The following RGS5 variants were observed in gnomAD, a reference collection of about 807,000 sequenced individuals.
RGS5 encodes the protein regulator of G protein signaling 5.
In RGS5, 20 loss-of-function variants were observed where a neutral mutation model predicts 18.9. That is an observed-to-expected ratio of 1.06 (90% CI 0.74 to 1.54). The LOEUF (loss-of-function observed/expected upper bound fraction) is 1.54, where lower values mean the gene tolerates loss of function less well. Among genes scored for constraint, RGS5 ranks in the 40% most tolerant of loss-of-function variants. The probability of loss-of-function intolerance (pLI) is 0.00; values close to 1 mark genes in which losing one functional copy is unlikely to be tolerated. For synonymous variants in RGS5, 57 were observed against 76.2 expected (o/e 0.75, Z 1.31); for missense variants, 201 against 211.8 (o/e 0.95, Z 0.32).
At chr1:163,214,393 A>G (rs1660172641) in intron 1 of RGS5, among the ~76,000 whole-genome samples, 1 of 152,104 alleles carries the variant, frequency 6.6e-6, no homozygotes, top group Admixed American at 6.6e-5. Flanking sequence ...CCACATCCAT[A>G]CTTCACTTCA....
intron 2 of RGS5, among the ~76,000 whole-genome samples, chr1:163,232,232 T>C (rs1287589544): frequency 6.6e-6 from 1 of 152,184 alleles, no homozygotes; most frequent in Non-Finnish European, 1.5e-5. Flanking sequence ...CAATTGTCCA[T>C]TTAAAGTAGA....
At chr1:163,247,767 C>T (rs1647985445) in intron 2 of RGS5, among the ~76,000 whole-genome samples, 1 of 152,036 alleles carries the variant, frequency 6.6e-6, no homozygotes, top group African/African-American at 2.4e-5. Context: ...ACAATGTTCT[C>T]TCATAGAGCC....
At chr1:163,159,904 C>G (rs1657735198) in intron 3 of RGS5, among the ~76,000 whole-genome samples, 1 of 152,168 alleles carries the variant, frequency 6.6e-6, no homozygotes, top group South Asian at 2.1e-4. Context: ...TGTATACACA[C>G]ATACATACAT....
chr1:163,172,429 C>T (rs1249128236), intron 1 of RGS5: 2 of 966,236 alleles, frequency 2.1e-6, no homozygotes, highest in Non-Finnish European at 3.0e-6. Flanking sequence ...TGAATCAGTA[C>T]CCTACTACTA....
At chr1:163,181,421 C>G (rs1658843072) in intron 1 of RGS5, among the ~76,000 whole-genome samples, 1 of 152,108 alleles carries the variant, frequency 6.6e-6, no homozygotes, top group Non-Finnish European at 1.5e-5. Context: ...TCTCTCTTAT[C>G]TACTATAAAA....
chr1:163,167,689 T>C (rs1658112321), intron 2 of RGS5, among the ~76,000 whole-genome samples: 1 of 152,184 alleles, frequency 6.6e-6, no homozygotes, highest in Admixed American at 6.5e-5. Context: ...TAGAAATAGC[T>C]AGTCCAGTAT....
At chr1:163,174,379 A>C (rs1422680481) in intron 1 of RGS5, among the ~76,000 whole-genome samples, 2 of 152,212 alleles carry the variant, frequency 1.3e-5, no homozygotes, top group Admixed American at 6.5e-5. Flanking sequence ...AATAGCATTC[A>C]ATAAAGATTT....
At chr1:163,285,640 G>C (rs1302010719) in intron 2 of RGS5, among the ~76,000 whole-genome samples, 1 of 152,106 alleles carries the variant, frequency 6.6e-6, no homozygotes, top group Non-Finnish European at 1.5e-5. Context: ...ATCTCATGTG[G>C]AATGTCAATT....
chr1:163,207,801 G>A (rs1659984526), upstream of RGS5, among the ~76,000 whole-genome samples: 1 of 151,916 alleles, frequency 6.6e-6, no homozygotes, highest in African/African-American at 2.4e-5. Context: ...CCAGATAACA[G>A]GTTAAATAAG....
chr1:163,158,513 T>C (rs111761875), intron 3 of RGS5, among the ~76,000 whole-genome samples: 29,654 of 151,988 alleles, frequency 0.2, 4,558 homozygotes, highest in African/African-American at 0.43. Context: ...AAGAGAGAAA[T>C]CTTAAAGCTT....
At chr1:163,256,328 G>A (rs1239413715) in intron 2 of RGS5, among the ~76,000 whole-genome samples, 1 of 151,968 alleles carries the variant, frequency 6.6e-6, no homozygotes, top group Non-Finnish European at 1.5e-5. Context: ...CAGACAAACA[G>A]AGAGCCAAAT....
chr1:163,297,737 A>G (rs1022196002), intron 2 of RGS5, among the ~76,000 whole-genome samples: 4 of 152,286 alleles, frequency 2.6e-5, no homozygotes, highest in Non-Finnish European at 5.9e-5. Context: ...AAGGAATTTC[A>G]GTTAAGAACT....
At chr1:163,283,076 A>C (rs1307872242) in intron 2 of RGS5, among the ~76,000 whole-genome samples, 2 of 152,186 alleles carry the variant, frequency 1.3e-5, no homozygotes, top group Non-Finnish European at 1.5e-5. Flanking sequence ...GTGGCAATTA[A>C]AAAAATGAGC....
At chr1:163,158,472 C>T (rs1657673199) in intron 3 of RGS5, among the ~76,000 whole-genome samples, 1 of 152,104 alleles carries the variant, frequency 6.6e-6, no homozygotes, top group African/African-American at 2.4e-5. Context: ...TAAGTGTCAG[C>T]TGGTCTGAGA....
intron 2 of RGS5, among the ~76,000 whole-genome samples, chr1:163,253,919 C>T (rs933778186): frequency 6.3e-4 from 96 of 151,322 alleles, no homozygotes; most frequent in Non-Finnish European, 1.1e-3. Context: ...TTTGTTCTTG[C>T]GATAGTTTAC....
intron 2 of RGS5, 31 bp from the exon 3 acceptor site, chr1:163,162,007 A>G: frequency 6.5e-7 from 1 of 1,544,714 alleles, no homozygotes; most frequent in Non-Finnish European, 9.0e-7. Context: ...GAAAAGGGGT[A>G]TGGCGTAAGT....
intron 1 of RGS5, among the ~76,000 whole-genome samples, chr1:163,173,941 G>A (rs1333174150): frequency 3.3e-5 from 5 of 152,110 alleles, no homozygotes; most frequent in African/African-American, 1.2e-4. Context: ...GCCAAGCGTG[G>A]TGGCAGGCAC....
At chr1:163,159,326 G>C (rs958955013) in intron 3 of RGS5, among the ~76,000 whole-genome samples, 3 of 152,192 alleles carry the variant, frequency 2.0e-5, no homozygotes, top group African/African-American at 4.8e-5. Context: ...GAAGTGATAA[G>C]TGTCCATGAA....
intron 2 of RGS5, among the ~76,000 whole-genome samples, chr1:163,284,950 C>T (rs1179341028): frequency 1.3e-5 from 2 of 152,094 alleles, no homozygotes; most frequent in Admixed American, 1.3e-4. Flanking sequence ...TTAATGGACT[C>T]ACAGTTCCAC....
Sources: gnomAD v4.1 joint callset for allele counts (sites outside exome capture counted in the v4.1 genomes callset) on GRCh38, gnomAD v4.1.1 for gene constraint, MANE v1.5 for transcripts, NCBI Gene and HGNC (gene_info 2026-07-23, HGNC 2026-07-21) for gene names.